POU6F2: variants seen among roughly 807,000 people sequenced by gnomAD.
POU6F2 encodes the protein POU class 6 homeobox 2.
A neutral mutation model predicts 71.3 loss-of-function variants in POU6F2; 31 were observed. The ratio of observed to expected loss-of-function variants is 0.43; its 90% CI spans 0.33 to 0.59. POU6F2 has a LOEUF of 0.59. Among genes scored for constraint, POU6F2 ranks in the 20% least tolerant of loss-of-function variants. The probability of loss-of-function intolerance (pLI) is 0.04; values close to 1 mark genes in which losing one functional copy is unlikely to be tolerated. For missense variants in POU6F2, 783 were observed against 856.8 expected (o/e 0.91, Z 1.07); for synonymous variants, 347 against 355.7 (o/e 0.98, Z 0.27).
At position 39,184,859 on chromosome 7, in the gene POU6F2, T is replaced by C. The variant is rs565778640; in HGVS notation, c.278-19376T>C. Among the ~76,000 whole-genome samples the C allele has an allele frequency of 1.3e-4, 20 of 152,322 alleles. No homozygotes were observed. The South Asian group carries it at 4.2e-3, about 32-fold the overall frequency. On this transcript the variant is annotated intron_variant, in intron 2 of 9. Transcript: ENST00000518318. Reference sequence around the variant, plus strand: ...AATAAACAGTAGCATAAGAGCTGTATTTTCTTTTGAGCAGTAATATGTAAC... The same window carrying C: ...AATAAACAGTAGCATAAGAGCTGTACTTTCTTTTGAGCAGTAATATGTAAC...
chr7:39,007,283 G>A (rs549977502), intron 1 of POU6F2, among the ~76,000 whole-genome samples: 5 of 152,094 alleles, frequency 3.3e-5, no homozygotes, highest in African/African-American at 9.6e-5. Flanking sequence ...CTAGATTTTT[G>A]AGTATTACTT....
chr7:39,171,075 C>T (rs1392662337), intron 2 of POU6F2, among the ~76,000 whole-genome samples: 1 of 124,464 alleles, frequency 8.0e-6, no homozygotes, highest in Non-Finnish European at 1.6e-5. Flanking sequence ...GCAGAACGTG[C>T]AGGTTTGTTA....
At chr7:39,036,678 A>G (rs80206221) in intron 1 of POU6F2, among the ~76,000 whole-genome samples, 1 of 151,814 alleles carries the variant, frequency 6.6e-6, no homozygotes, top group African/African-American at 2.4e-5. Flanking sequence ...AAAAAAAAAA[A>G]TCTTATGTCT....
chr7:39,092,872 G>A (rs561933771), intron 2 of POU6F2, among the ~76,000 whole-genome samples: 5 of 152,272 alleles, frequency 3.3e-5, no homozygotes, highest in Admixed American at 6.5e-5. Flanking sequence ...GCTAAAGAAA[G>A]TTTGTCATTC....
At chr7:39,140,810 C>A (rs1474867470) in intron 2 of POU6F2, among the ~76,000 whole-genome samples, 1 of 152,178 alleles carries the variant, frequency 6.6e-6, no homozygotes, top group Admixed American at 6.5e-5. Context: ...CTCGAAAGAT[C>A]ATTTAAGCCT....
At chr7:39,448,303 A>G (rs1285136550) in intron 7 of POU6F2, among the ~76,000 whole-genome samples, 1 of 152,194 alleles carries the variant, frequency 6.6e-6, no homozygotes, top group Admixed American at 6.5e-5. Flanking sequence ...ACACATTTAC[A>G]CTGGCAATTG....
At chr7:39,202,493 T>G (rs1793924991) in intron 2 of POU6F2, among the ~76,000 whole-genome samples, 2 of 152,196 alleles carry the variant, frequency 1.3e-5, no homozygotes, top group South Asian at 4.1e-4. Context: ...CATTTGAGAA[T>G]TTGCCTAATC....
chr7:39,013,974 T>A (rs137972993), intron 1 of POU6F2, among the ~76,000 whole-genome samples: 85 of 152,314 alleles, frequency 5.6e-4, no homozygotes, highest in African/African-American at 1.9e-3. Context: ...CCAGATTTTT[T>A]CCCTTCAGAG....
intron 2 of POU6F2, among the ~76,000 whole-genome samples, chr7:39,143,113 G>A (rs934866305): frequency 1.3e-4 from 20 of 152,186 alleles, no homozygotes; most frequent in Admixed American, 3.3e-4. Flanking sequence ...GTGGCATAGA[G>A]AAGTACATGC....
At chr7:39,017,060 T>C (rs1173038627) in intron 1 of POU6F2, among the ~76,000 whole-genome samples, 2 of 152,186 alleles carry the variant, frequency 1.3e-5, no homozygotes, top group African/African-American at 4.8e-5. Context: ...GTTTTACAAC[T>C]TCTATTTTAT....
intron 2 of POU6F2, among the ~76,000 whole-genome samples, chr7:39,170,186 A>T (rs945613998): frequency 7.2e-5 from 11 of 152,150 alleles, no homozygotes; most frequent in South Asian, 2.1e-4. Context: ...ATAATAATAA[A>T]AAAAATTGTA....
chr7:39,189,018 T>C (rs1793602708), intron 2 of POU6F2, among the ~76,000 whole-genome samples: 2 of 152,202 alleles, frequency 1.3e-5, no homozygotes, highest in Non-Finnish European at 2.9e-5. Context: ...TCCCACATGG[T>C]TTGGGGTCCA....
intron 9 of POU6F2, among the ~76,000 whole-genome samples, chr7:39,463,828 T>G (rs12533673): frequency 0.91 from 138,458 of 152,316 alleles, 62,986 homozygotes; most frequent in Admixed American, 0.94. Flanking sequence ...TTTGCCTTCA[T>G]GAGTCTGAGG....
intron 1 of POU6F2, among the ~76,000 whole-genome samples, chr7:39,046,554 A>G (rs1371999070): frequency 6.6e-6 from 1 of 151,910 alleles, no homozygotes; most frequent in Non-Finnish European, 1.5e-5. Flanking sequence ...ATTTTGCATA[A>G]CAGCATTCTT....
In POU6F2 at chr7:39,124,709, T is replaced by A. The variant is rs79220871; in HGVS notation, c.277+38678T>A. On this transcript the variant is annotated intron_variant, in intron 2 of 9. Coordinates refer to ENST00000518318, the MANE Select transcript of POU6F2 (RefSeq NM_001370959.1). ...AGTCTTGCCACAAAACAACCACGTTTCGGGGACACAAATTATGTGCCCCAC... is the reference window on the plus strand; with the variant it reads ...AGTCTTGCCACAAAACAACCACGTTACGGGGACACAAATTATGTGCCCCAC... Among the ~76,000 whole-genome samples the A allele has an allele frequency of 3.1e-3, 476 of 152,324 alleles. 2 individuals are homozygous for A. The highest frequency in any genetic ancestry group is 6.8e-3 in the Middle Eastern group (2 of 294).
intron 5 of POU6F2, among the ~76,000 whole-genome samples, chr7:39,382,043 A>AAATAAT (rs3839694): frequency 0.11 from 16,149 of 150,314 alleles, 1,097 homozygotes; most frequent in Non-Finnish European, 0.15. Flanking sequence ...ACACACAAGC[A>AAATAAT]AATAATAATA....
chr7:39,034,416 G>C (rs992180596), intron 1 of POU6F2: 5 of 353,844 alleles, frequency 1.4e-5, no homozygotes, highest in Admixed American at 8.2e-5. Flanking sequence ...AGAAAATGAC[G>C]TGCACCTGAA....
chr7:39,277,314 G>A (rs1223620662), intron 4 of POU6F2, among the ~76,000 whole-genome samples: 3 of 152,050 alleles, frequency 2.0e-5, no homozygotes, highest in African/African-American at 4.8e-5. Flanking sequence ...GGTATATTGC[G>A]TGATGCTGAG....
chr7:39,340,058 G>A, intron 5 of POU6F2, 43 bp downstream of exon 5: 1 of 1,549,944 alleles, frequency 6.5e-7, no homozygotes, highest in Non-Finnish European at 8.7e-7. Context: ...GAGCACCAAG[G>A]ACCTTTCCAT....
Sources: gnomAD v4.1 joint callset for allele counts (sites outside exome capture counted in the v4.1 genomes callset) on GRCh38, gnomAD v4.1.1 for gene constraint, MANE v1.5 for transcripts, NCBI Gene and HGNC (gene_info 2026-07-23, HGNC 2026-07-21) for gene names.